The following ADNP variants were observed in gnomAD, a reference collection of about 807,000 sequenced individuals.
The protein encoded by ADNP is activity dependent neuroprotector homeobox.
ADNP carries 4 observed loss-of-function variants against 84.9 expected under a neutral mutation model. The ratio of observed to expected loss-of-function variants is 0.05; its 90% CI spans 0.02 to 0.11. ADNP has a LOEUF of 0.11. Ranked by LOEUF, ADNP falls within the 10% of genes least tolerant of loss-of-function variation. ADNP has a pLI of 1.00. For synonymous variants in ADNP, 554 were observed against 468.1 expected (o/e 1.18, Z -2.37); for missense variants, 1,132 against 1,326.0 (o/e 0.85, Z 2.27).
At chr20:50,897,275 T>C (rs2122785352) in intron 5 of ADNP, among the ~76,000 whole-genome samples, 1 of 152,328 alleles carries the variant, frequency 6.6e-6, no homozygotes, top group South Asian at 2.1e-4. Flanking sequence ...TGCTGAGGTC[T>C]GCACTGCTAA....
Position 50,899,937 on chromosome 20 carries a change from A to C in ADNP, c.201+2080T>G, listed in dbSNP as rs118075443. Among the ~76,000 whole-genome samples the C allele has an allele frequency of 3.4e-5, 5 of 147,614 alleles. No individual in the cohort carries two copies. In the East Asian group the frequency reaches 9.9e-4, roughly 29 times the overall value. ...AAGAGTGAAAGGACAAAGCTTCCGC[A>C]GTGTGGAAGGGGACCCGGGCAGGTT... On this transcript the variant is annotated intron_variant, in intron 5 of 5. Transcript: ENST00000621696.
At chr20:50,900,858 T>C (rs576253912) in intron 5 of ADNP, among the ~76,000 whole-genome samples, 2 of 152,358 alleles carry the variant, frequency 1.3e-5, no homozygotes, top group South Asian at 2.1e-4. Flanking sequence ...AAAGTTGGCT[T>C]TCTTCTATAA....
chr20:50,911,946 G>A (rs1331766813), intron 2 of ADNP, among the ~76,000 whole-genome samples: 1 of 151,794 alleles, frequency 6.6e-6, no homozygotes, highest in African/African-American at 2.4e-5. Flanking sequence ...TTCAACTGCA[G>A]GTGTAAACTT....
rs1255162432 is a variant in ADNP, at chr20:50,902,021, T to C, written c.197A>G (p.Asn66Ser). 5.6e-6 allele frequency: 9 copies of C among 1,611,666 alleles called. No individual in the cohort carries two copies. Among genetic ancestry groups the C allele is most frequent in the South Asian group, 1.1e-5 (1 of 91,002 alleles). Residue 66 changes from asparagine to serine, a missense_variant, in exon 5 of 6, where the codon AAC becomes AGC. By Grantham distance (46) the Asn-to-Ser change is conservative (BLOSUM62 1). Around this residue, in one of 10 missense-constraint regions of ADNP, gnomAD observed 56 missense variants for 94.6 expected, o/e 0.59. Transcript: ENST00000621696. Reference protein sequence around the residue: ...VGLWDPSLTKNQDYRTKPFCC... With the variant: ...VGLWDPSLTKSQDYRTKPFCC... ...GAAGTCTCCTGTGCCACTTACCTGG[T>C]TTTTCGTAAGTGATGGGTCCCACAG...
Position 50,891,577 on chromosome 20 carries a change from T to C in ADNP, c.3137A>G (p.Gln1046Arg). The change falls in exon 6 of 6, where the codon CAG (glutamine) becomes CGG (arginine). Residue 1046 changes from glutamine (Q) to arginine (R), a missense_variant. Gln to Arg is a conservative substitution (Grantham distance 43, BLOSUM62 1). This residue lies in a region of ADNP where 381 missense variants were observed against 319.9 expected (regional missense o/e 1.19). Coordinates refer to ENST00000621696, the MANE Select transcript of ADNP (RefSeq NM_001282531.3). ...VEGFWSKDQS[Q>R]WKNASENDER... ...ATCATTCTCAGATGCATTCTTCCAC[T>C]GTGACTGGTCCTTAGACCAAAACCC... 6.2e-7 allele frequency: 1 copy of C among 1,613,110 alleles called. No homozygotes were observed. The highest frequency in any genetic ancestry group is 1.3e-5 in the African/African-American group (1 of 75,076).
At position 50,892,446 on chromosome 20, in the gene ADNP, G is replaced by T; in HGVS notation, c.2268C>A (p.Pro756=). The T allele has an allele frequency of 6.2e-7, 1 of 1,614,104 alleles. No homozygotes were observed. Among genetic ancestry groups the T allele is most frequent in the Non-Finnish European group, 8.5e-7 (1 of 1,180,040 alleles). ...PEEPVVLALD[P]KGHEDDSYEA... The stretch of plus-strand genomic sequence containing the variant: ...CATAGGAATCATCTTCATGACCCTT[G>T]GGGTCTAAAGCTAAAACAACAGGCT... The change falls in exon 6 of 6, where the codon CCC becomes CCA. Residue 756 remains proline, a synonymous_variant. Coordinates refer to ENST00000621696, the MANE Select transcript of ADNP (RefSeq NM_001282531.3).
rs1021758423 is a variant in ADNP at position 50,931,433 on chromosome 20, G to A, written c.-872C>T. 6 of 152,708 alleles carry A rather than the reference G, an allele frequency of 3.9e-5. No individual in the cohort carries two copies. Among genetic ancestry groups the A allele is most frequent in the African/African-American group, 1.2e-4 (5 of 41,446 alleles). The allele number at this position is 152,708 out of a possible 1,614,324, so 9.5% of individuals were successfully genotyped here. On this transcript the variant is annotated 5_prime_UTR_variant, in exon 1 of 6. Transcript: ENST00000621696. Reference sequence around the variant, plus strand: ...CTGCCCTAGCCAAAATGGCGGCCGAGAAAGAGCGGAAGTGACGTAAGTGCC... The same window carrying A: ...CTGCCCTAGCCAAAATGGCGGCCGAAAAAGAGCGGAAGTGACGTAAGTGCC...
chr20:50,926,278 GAA>G (rs1984286776), intron 2 of ADNP, among the ~76,000 whole-genome samples: 1 of 152,212 alleles, frequency 6.6e-6, no homozygotes, highest in Non-Finnish European at 1.5e-5. Flanking sequence ...AACTCCCACT[GAA>G]AGTTATTTTA....
chr20:50,891,448 T>C lies in ADNP; in HGVS notation c.3266A>G (p.His1089Arg). ...CAGTTTAACTCCGGCTAAGCTGCCATGCATGGGCTCAGCTACTCCATCAGT... is the reference window on the plus strand; with the variant it reads ...CAGTTTAACTCCGGCTAAGCTGCCACGCATGGGCTCAGCTACTCCATCAGT... ...NMTDGVAEPMHGSLAGVKLSS... is the reference protein window; with the variant it reads ...NMTDGVAEPMRGSLAGVKLSS... Residue 1089 changes from histidine (H) to arginine (R), a missense_variant, in exon 6 of 6, where the codon CAT becomes CGT. Around this residue, in one of 10 missense-constraint regions of ADNP, gnomAD observed 381 missense variants for 319.9 expected, o/e 1.19. Coordinates refer to ENST00000621696, the MANE Select transcript of ADNP (RefSeq NM_001282531.3). The C allele has an allele frequency of 6.2e-7, 1 of 1,612,626 alleles. No homozygotes were observed. Among genetic ancestry groups the C allele is most frequent in the African/African-American group, 1.3e-5 (1 of 75,062 alleles).
At chr20:50,930,225 C>T (rs959055174) in intron 1 of ADNP, among the ~76,000 whole-genome samples, 1 of 152,158 alleles carries the variant, frequency 6.6e-6, no homozygotes, top group Non-Finnish European at 1.5e-5. Flanking sequence ...GCTGACCAGG[C>T]AGCTGAGATT....
intron 2 of ADNP, among the ~76,000 whole-genome samples, chr20:50,910,663 T>C (rs1982938925): frequency 6.6e-6 from 1 of 152,110 alleles, no homozygotes; most frequent in African/African-American, 2.4e-5. Context: ...TCAATTATTA[T>C]TATTTTTGAG....
intron 2 of ADNP, among the ~76,000 whole-genome samples, chr20:50,926,363 G>C (rs1394314241): frequency 6.6e-6 from 1 of 152,164 alleles, no homozygotes; most frequent in African/African-American, 2.4e-5. Context: ...TGAACAAGTA[G>C]CTTATTTACA....
At chr20:50,909,248 T>A (rs762349461) in intron 2 of ADNP, among the ~76,000 whole-genome samples, 2 of 149,730 alleles carry the variant, frequency 1.3e-5, no homozygotes, top group African/African-American at 4.9e-5. Flanking sequence ...TCTGTAATCC[T>A]ACTACTAGGA....
At position 50,928,778 on chromosome 20, in the gene ADNP, T is replaced by C. The variant is rs1315270023; in HGVS notation, c.-217A>G. Reference sequence around the variant, plus strand: ...AGTACAAAAAGTACAACCCTGCGCATCATGGTGTAAAAGCTGGGGCCTAGG... The same window carrying C: ...AGTACAAAAAGTACAACCCTGCGCACCATGGTGTAAAAGCTGGGGCCTAGG... On this transcript the variant is annotated 5_prime_UTR_variant, in exon 2 of 6. The change abolishes an upstream ATG in the 5' untranslated region. Transcript: ENST00000621696. 1 of 152,210 alleles carries C rather than the reference T, an allele frequency of 6.6e-6. No homozygotes were observed. The highest frequency in any genetic ancestry group is 2.4e-5 in the African/African-American group (1 of 41,434). The allele number at this position is 152,210 out of a possible 1,614,324, so 9.4% of individuals were successfully genotyped here. A position where few individuals can be genotyped will look rare whatever the true frequency, so the allele number is the denominator to read the frequency against.
Position 50,890,955 on chromosome 20 carries a change from T to A in ADNP, c.*450A>T, listed in dbSNP as rs979819116. Reference sequence around the variant, plus strand: ...GTCTAAAAGACTGTACAAATATACATTTCAACTATTCAGAATGAATACATG... The same window carrying A: ...GTCTAAAAGACTGTACAAATATACAATTCAACTATTCAGAATGAATACATG... On this transcript the variant is annotated 3_prime_UTR_variant, in exon 6 of 6. Transcript: ENST00000621696. 4.7e-5 allele frequency: 47 copies of A among 989,484 alleles called. No individual in the cohort carries two copies. The highest frequency in any genetic ancestry group is 5.6e-5 in the Non-Finnish European group (47 of 833,072). 61.3% of individuals were successfully genotyped at this position (989,484 alleles called of 1,614,324 possible). A position where few individuals can be genotyped will look rare whatever the true frequency, so the allele number is the denominator to read the frequency against.
At chr20:50,915,890 A>G (rs189732460) in intron 2 of ADNP, among the ~76,000 whole-genome samples, 1 of 151,670 alleles carries the variant, frequency 6.6e-6, no homozygotes, top group Admixed American at 6.6e-5. Flanking sequence ...AATAATGAAC[A>G]TCAATTATAT....
At chr20:50,898,267 A>T (rs748042344) in intron 5 of ADNP, among the ~76,000 whole-genome samples, 2 of 152,178 alleles carry the variant, frequency 1.3e-5, no homozygotes, top group Admixed American at 6.5e-5. Context: ...TATGTAATGA[A>T]TAACGATTCT....
intron 5 of ADNP, among the ~76,000 whole-genome samples, chr20:50,900,075 C>T (rs1981814958): frequency 6.6e-6 from 1 of 152,076 alleles, no homozygotes. Context: ...CAGTGATGTA[C>T]AATAATGTCC....
At chr20:50,916,506 C>T (rs1600982719) in intron 2 of ADNP, among the ~76,000 whole-genome samples, 1 of 152,176 alleles carries the variant, frequency 6.6e-6, no homozygotes, top group Non-Finnish European at 1.5e-5. Context: ...CTTCCATGAT[C>T]TCATAGGCCA....
Sources: gnomAD v4.1 joint callset for allele counts (sites outside exome capture counted in the v4.1 genomes callset) on GRCh38, gnomAD v4.1.1 for gene constraint, gnomAD v4.1.1 regional missense constraint, MANE v1.5 for transcripts, NCBI Gene and HGNC (gene_info 2026-07-23, HGNC 2026-07-21) for gene names.